DMD: variants seen among roughly 807,000 people sequenced by gnomAD.
The protein encoded by DMD is dystrophin.
In DMD, 63 loss-of-function variants were observed where a neutral mutation model predicts 330.1. The ratio of observed to expected loss-of-function variants is 0.19; its 90% confidence interval spans 0.16 to 0.24. The LOEUF (loss-of-function observed/expected upper bound fraction) is 0.24, where lower values mean the gene tolerates loss of function less well. DMD is among the 10% of genes least tolerant of loss of function. The probability of loss-of-function intolerance (pLI) is 1.00; values close to 1 mark genes in which losing one functional copy is unlikely to be tolerated. For missense variants in DMD, 3,344 were observed against 2,684.1 expected, an observed-to-expected ratio of 1.25 and a Z score of -5.43; for synonymous variants, 1,223 against 959.8, an observed-to-expected ratio of 1.27 and a Z score of -5.07.
At chrX:32,520,022 G>T (rs1052849289) in intron 17 of DMD, among the ~76,000 whole-genome samples, 4 of 111,646 alleles carry the variant, frequency 3.6e-5, no homozygotes, top group Non-Finnish European at 7.5e-5. Flanking sequence ...AGATTGAGTT[G>T]TTATTTATCG....
chrX:32,454,845 A>C lies in DMD; in HGVS notation c.3433-13T>G, dbSNP rs1219090494. 1 of 1,203,244 alleles carries C rather than the reference A, an allele frequency of 8.3e-7. No individual in the cohort carries two copies. Among genetic ancestry groups the C allele is most frequent in the East Asian group, 3.0e-5 (1 of 33,652 alleles). On this transcript the variant is annotated splice_polypyrimidine_tract_variant and intron_variant, in intron 25 of 78. Transcript: ENST00000357033. ...TTCTGGCATAGACCTTCCACAAAACAAACAAACAAAACACGATTATTGACA... is the reference window on the plus strand; with the variant it reads ...TTCTGGCATAGACCTTCCACAAAACCAACAAACAAAACACGATTATTGACA...
chrX:31,365,281 G>C (rs1007555115), intron 60 of DMD, among the ~76,000 whole-genome samples: 6 of 110,539 alleles, frequency 5.4e-5, no homozygotes, highest in Admixed American at 2.9e-4. Context: ...TATTTGATTT[G>C]AACCAACCTC....
intron 12 of DMD, among the ~76,000 whole-genome samples, chrX:32,608,513 A>G (rs932903850): frequency 9.0e-6 from 1 of 110,680 alleles, no homozygotes; most frequent in Admixed American, 9.6e-5. Context: ...TCAGAGATTG[A>G]AGACACCAGA....
At chrX:32,737,768 C>G (rs192693372) in intron 7 of DMD, among the ~76,000 whole-genome samples, 30 of 111,720 alleles carry the variant, frequency 2.7e-4, no homozygotes, top group Admixed American at 2.0e-3. Context: ...TAACTGTCTT[C>G]TAATGCGTTA....
intron 50 of DMD, among the ~76,000 whole-genome samples, chrX:31,804,622 A>G (rs1212537926): frequency 8.9e-6 from 1 of 111,806 alleles, no homozygotes; most frequent in Non-Finnish European, 1.9e-5. Flanking sequence ...GCGAACATGC[A>G]TGCATTTCCA....
chrX:31,618,330 G>A (rs1325723188), intron 55 of DMD, among the ~76,000 whole-genome samples: 1 of 111,304 alleles, frequency 9.0e-6, no homozygotes, highest in Non-Finnish European at 1.9e-5. Context: ...GTCAAAAGGT[G>A]AGACATTTTT....
rs546671437 is a variant in DMD, at chrX:33,174,379, C to T, written c.31+36903G>A. 5.4e-5 allele frequency among the ~76,000 whole-genome samples: 6 copies of T among 111,419 alleles called. No homozygotes were observed. The East Asian group carries it at 1.1e-3, about 21-fold the overall frequency. ...AAGAGTAATTTTATAATAAATGTTG[C>T]TGTGGATTTCTTCATATCTGTTTTA... is the stretch of plus-strand genomic sequence containing the variant. On this transcript the variant is annotated intron_variant, in intron 1 of 78. Coordinates refer to ENST00000357033, the MANE Select transcript of DMD (RefSeq NM_004006.3).
intron 1 of DMD, among the ~76,000 whole-genome samples, chrX:33,186,089 C>T (rs147029090): frequency 0.045 from 4,982 of 111,484 alleles, 108 homozygotes; most frequent in Middle Eastern, 0.079. Context: ...CCATAGAGCA[C>T]TCTTGGGGGA....
chrX:31,757,646 G>A (rs2089226085), intron 51 of DMD, among the ~76,000 whole-genome samples: 1 of 110,566 alleles, frequency 9.0e-6, no homozygotes, highest in Non-Finnish European at 1.9e-5. Context: ...TTCTGGAGCC[G>A]CTTTTATAAG....
intron 2 of DMD, among the ~76,000 whole-genome samples, chrX:32,932,225 G>C (rs1447476516): frequency 8.9e-6 from 1 of 112,177 alleles, no homozygotes; most frequent in African/African-American, 3.2e-5. Flanking sequence ...ATTTTGTAAG[G>C]TGGGGTCACA....
At chrX:31,307,128 T>C (rs911473436) in intron 62 of DMD, among the ~76,000 whole-genome samples, 10 of 111,540 alleles carry the variant, frequency 9.0e-5, no homozygotes, top group Non-Finnish European at 1.9e-4. Context: ...TAGGTTTTAA[T>C]TTTAAAGAAG....
At chrX:32,387,824 C>G (rs1344175847) in intron 32 of DMD, among the ~76,000 whole-genome samples, 1 of 111,585 alleles carries the variant, frequency 9.0e-6, no homozygotes, top group Non-Finnish European at 1.9e-5. Flanking sequence ...ATTATTTACT[C>G]TCTGAACTTC....
At chrX:32,457,061 G>GA (rs112428143) in intron 25 of DMD, among the ~76,000 whole-genome samples, 12 of 101,335 alleles carry the variant, frequency 1.2e-4, no homozygotes, top group Admixed American at 2.2e-4. Context: ...GTAATAGGGG[G>GA]AAAAAAAAAA....
chrX:32,777,243 T>G (rs1274812800), intron 7 of DMD, among the ~76,000 whole-genome samples: 3 of 60,779 alleles, frequency 4.9e-5, no homozygotes, highest in Non-Finnish European at 8.5e-5. Context: ...CAGACTGGAC[T>G]GGAAGTTCCT....
At chrX:31,835,116 T>C (rs2093167077) in intron 49 of DMD, among the ~76,000 whole-genome samples, 1 of 111,945 alleles carries the variant, frequency 8.9e-6, no homozygotes, top group Admixed American at 9.5e-5. Flanking sequence ...AGCATTTGGA[T>C]TGTTTTATAC....
chrX:32,704,413 C>A (rs2064417166), intron 7 of DMD, among the ~76,000 whole-genome samples: 2 of 111,387 alleles, frequency 1.8e-5, no homozygotes, highest in Admixed American at 1.9e-4. Flanking sequence ...GTCCGATTAG[C>A]CAGTCGCTGG....
intron 60 of DMD, among the ~76,000 whole-genome samples, chrX:31,352,999 A>G (rs190614774): frequency 8.9e-6 from 1 of 111,962 alleles, no homozygotes; most frequent in African/African-American, 3.2e-5. Flanking sequence ...AAAGCCAGAA[A>G]TGATATACCT....
intron 55 of DMD, among the ~76,000 whole-genome samples, chrX:31,590,689 A>G (rs761026720): frequency 9.0e-6 from 1 of 111,662 alleles, no homozygotes; most frequent in African/African-American, 3.2e-5. Context: ...AAATGACTAC[A>G]GTTTTTGCGC....
At chrX:31,628,609 A>G (rs760180615) in intron 54 of DMD, among the ~76,000 whole-genome samples, 1 of 111,187 alleles carries the variant, frequency 9.0e-6, no homozygotes, top group African/African-American at 3.3e-5. Flanking sequence ...AATGAAAAAG[A>G]GTAGAGTTTT....
Sources: gnomAD v4.1 joint callset for allele counts (sites outside exome capture counted in the v4.1 genomes callset) on GRCh38, gnomAD v4.1.1 for gene constraint, MANE v1.5 for transcripts, NCBI Gene and HGNC (gene_info 2026-07-23, HGNC 2026-07-21) for gene names.